MINAR2: variants seen among roughly 807,000 people sequenced by gnomAD.
MINAR2 encodes membrane integral NOTCH2 associated receptor 2, also known as major intrinsically disordered NOTCH2-binding receptor 1-like.
A neutral mutation model predicts 16.1 loss-of-function variants in MINAR2; 21 were observed. The observed-to-expected ratio is 1.31, with a 90% CI of 0.93 to 1.88. MINAR2 has a LOEUF of 1.88. Ranked by LOEUF, MINAR2 falls within the 40% of genes most tolerant of loss-of-function variation. The probability of loss-of-function intolerance (pLI) is 0.00; values close to 1 mark genes in which losing one functional copy is unlikely to be tolerated. For missense variants in MINAR2, 259 were observed against 229.8 expected (o/e 1.13, Z -0.82); for synonymous variants, 86 against 83.0 (o/e 1.04, Z -0.20).
chr5:129,762,000 G>C (rs1300489873), intron 2 of MINAR2, among the ~76,000 whole-genome samples: 1 of 151,950 alleles, frequency 6.6e-6, no homozygotes, highest in East Asian at 1.9e-4. Flanking sequence ...AACAACACAC[G>C]CTGGGGCCTG....
chr5:129,756,370 G>T (rs1252097444), intron 1 of MINAR2, among the ~76,000 whole-genome samples: 1 of 151,172 alleles, frequency 6.6e-6, no homozygotes, highest in Non-Finnish European at 1.5e-5. Context: ...GGTGGTATTT[G>T]GTTACATAAG....
intron 1 of MINAR2, among the ~76,000 whole-genome samples, chr5:129,753,910 T>C (rs1386187404): frequency 6.6e-6 from 1 of 152,198 alleles, no homozygotes; most frequent in African/African-American, 2.4e-5. Context: ...TTATATTGGA[T>C]GACAATGTGG....
At chr5:129,761,945 A>G (rs6866940) in intron 2 of MINAR2, among the ~76,000 whole-genome samples, 128,249 of 151,878 alleles carry the variant, frequency 0.84, 54,665 homozygotes, top group Middle Eastern at 0.94. Flanking sequence ...GTTCTAACTC[A>G]TAAGTGGGAG....
chr5:129,750,364 G>A (rs1757971604), intron 1 of MINAR2, among the ~76,000 whole-genome samples: 1 of 152,194 alleles, frequency 6.6e-6, no homozygotes, highest in South Asian at 2.1e-4. Flanking sequence ...CACACATAAG[G>A]TGGTGGCTAC....
At chr5:129,750,168 TGCAA>T (rs1561683239) in intron 1 of MINAR2, among the ~76,000 whole-genome samples, 2 of 152,186 alleles carry the variant, frequency 1.3e-5, no homozygotes, top group Non-Finnish European at 2.9e-5. Flanking sequence ...CACTTCACTG[TGCAA>T]TGCATCATTA....
At chr5:129,748,750 A>G (rs1757949405) in intron 1 of MINAR2, among the ~76,000 whole-genome samples, 1 of 152,176 alleles carries the variant, frequency 6.6e-6, no homozygotes, top group African/African-American at 2.4e-5. Context: ...CATTGTGGGC[A>G]TAAACAAGCC....
chr5:129,762,785 T>TAGGA lies in MINAR2; in HGVS notation c.394-2095_394-2092dup, dbSNP rs530856647. 3.7e-3 allele frequency: 668 copies of TAGGA among 180,448 alleles called. 4 individuals carry two copies. Among genetic ancestry groups the TAGGA allele is most frequent in the African/African-American group, 0.016 (651 of 41,598 alleles). The allele number at this position is 180,448 out of a possible 1,614,324, so 11.2% of individuals were successfully genotyped here. ...TAAAGAAGACAAAGTGCCTGTAGGATAGGAAGGGGGCACAAATCACATCTG... is the reference window on the plus strand; with the variant it reads ...TAAAGAAGACAAAGTGCCTGTAGGATAGGAAGGAAGGGGGCACAAATCACATCTG... On this transcript the variant is annotated intron_variant, in intron 2 of 2. Coordinates refer to ENST00000564719, the MANE Select transcript of MINAR2 (RefSeq NM_001257308.2).
chr5:129,750,578 T>C (rs1757974102), intron 1 of MINAR2, among the ~76,000 whole-genome samples: 1 of 152,170 alleles, frequency 6.6e-6, no homozygotes, highest in South Asian at 2.1e-4. Context: ...CCATATTTCC[T>C]TAAAAGTGAG....
In MINAR2 at chr5:129,748,615, C is replaced by T. The variant is rs116727837; in HGVS notation, c.165+260C>T. On this transcript the variant is annotated intron_variant, in intron 1 of 2. Transcript: ENST00000564719. ...TATCCTCATTTTAGATTTCAGGTGG[C>T]CCTCATTTACTCCTTCCCTTCAAAA... Among the ~76,000 whole-genome samples, 829 of 152,194 alleles carry T rather than the reference C, an allele frequency of 5.4e-3. 9 individuals are homozygous for T. The highest frequency in any genetic ancestry group is 0.019 in the African/African-American group (791 of 41,524).
rs1397102179 is a variant in MINAR2 at position 129,765,040 on chromosome 5, A to G, written c.550A>G (p.Thr184Ala). ...VVISILVTIVTIITFFT is the reference protein window; with the variant it reads ...VVISILVTIVAIITFFT ...TATCTCCATCTTGGTTACCATAGTG[A>G]CTATCATTACTTTTTTCACCTGAGG... is the stretch of plus-strand genomic sequence containing the variant. The change falls in exon 3 of 3, where the codon ACT (threonine) becomes GCT (alanine). Residue 184 changes from threonine (T) to alanine (A), a missense_variant. Coordinates refer to ENST00000564719, the MANE Select transcript of MINAR2 (RefSeq NM_001257308.2). The G allele has an allele frequency of 1.5e-6, 2 of 1,302,954 alleles. No homozygotes were observed. The highest frequency in any genetic ancestry group is 2.0e-6 in the Non-Finnish European group (2 of 1,022,880). The allele number at this position is 1,302,954 out of a possible 1,614,324, so 80.7% of individuals were successfully genotyped here. A position where few individuals can be genotyped will look rare whatever the true frequency, so the allele number is the denominator to read the frequency against.
Position 129,765,995 on chromosome 5 carries a change from C to T in MINAR2, c.*932C>T, listed in dbSNP as rs1758207174. The T allele has an allele frequency of 6.6e-6, 1 of 152,116 alleles. No homozygotes were observed. The highest frequency in any genetic ancestry group is 2.4e-5 in the African/African-American group (1 of 41,408). The allele number at this position is 152,116 out of a possible 1,614,324, so 9.4% of individuals were successfully genotyped here. A position where few individuals can be genotyped will look rare whatever the true frequency, so the allele number is the denominator to read the frequency against. On this transcript the variant is annotated 3_prime_UTR_variant, in exon 3 of 3. Transcript: ENST00000564719. The stretch of plus-strand genomic sequence containing the variant: ...AAACAGGTATGAACAGTATCTGGCT[C>T]GAAATAAGCAGTTGCTTAATTAAAG...
Position 129,748,133 on chromosome 5 carries a change from G to A in MINAR2, c.-58G>A, listed in dbSNP as rs1757938649. 2.1e-6 allele frequency: 3 copies of A among 1,460,814 alleles called. No homozygotes were observed. Among genetic ancestry groups the A allele is most frequent in the Non-Finnish European group, 1.8e-6 (2 of 1,088,462 alleles). 90.5% of individuals were successfully genotyped at this position (1,460,814 alleles called of 1,614,324 possible). ...CATCCTCAGGCACATTAATAATGGA[G>A]GAGTCTGACAAGAGCAGCTTTGCCT... On this transcript the variant is annotated 5_prime_UTR_variant, in exon 1 of 3. Coordinates refer to ENST00000564719, the MANE Select transcript of MINAR2 (RefSeq NM_001257308.2).
intron 1 of MINAR2, among the ~76,000 whole-genome samples, chr5:129,758,738 C>A (rs56107157): frequency 6.6e-6 from 1 of 151,746 alleles, no homozygotes; most frequent in East Asian, 1.9e-4. Flanking sequence ...AGATGCCTAG[C>A]CTTGAAGAAA....
chr5:129,750,401 A>C (rs1377177114), intron 1 of MINAR2, among the ~76,000 whole-genome samples: 2 of 152,112 alleles, frequency 1.3e-5, no homozygotes, highest in Non-Finnish European at 2.9e-5. Context: ...TAAAGCTCAC[A>C]CTCCATTGGG....
intron 1 of MINAR2, among the ~76,000 whole-genome samples, chr5:129,749,935 C>T (rs934324169): frequency 2.6e-5 from 4 of 152,222 alleles, no homozygotes; most frequent in Non-Finnish European, 5.9e-5. Context: ...TAAACTTCTG[C>T]TTCATAGGTC....
chr5:129,748,212 A>T lies in MINAR2; in HGVS notation c.22A>T (p.Asn8Tyr). The T allele has an allele frequency of 2.0e-6, 3 of 1,535,100 alleles. No individual in the cohort carries two copies. Among genetic ancestry groups the T allele is most frequent in the Non-Finnish European group, 2.6e-6 (3 of 1,146,482 alleles). Residue 8 changes from asparagine to tyrosine, a missense_variant, in exon 1 of 3, where the codon AAT becomes TAT. Physicochemically the swap from Asn to Tyr is moderately radical, Grantham distance 143. Coordinates refer to ENST00000564719, the MANE Select transcript of MINAR2 (RefSeq NM_001257308.2). MDLSVLP[N>Y]NNHPDKFLQL... ...AGACATGGATCTCTCTGTTTTGCCA[A>T]ATAACAACCATCCTGACAAATTCCT... is the stretch of plus-strand genomic sequence containing the variant.
Position 129,753,526 on chromosome 5 carries a change from G to A in MINAR2, c.165+5171G>A, listed in dbSNP as rs532777222. Among the ~76,000 whole-genome samples the A allele has an allele frequency of 3.3e-5, 5 of 151,228 alleles. No individual in the cohort carries two copies. The East Asian group carries it at 9.8e-4, about 30-fold the overall frequency. The stretch of plus-strand genomic sequence containing the variant: ...CCCAGCACTTTGGGAGGCCGAGGCG[G>A]GTGGATCAGCAGGTCAGGAGTTCGA... On this transcript the variant is annotated intron_variant, in intron 1 of 2. Transcript: ENST00000564719.
In MINAR2 at chr5:129,766,204, C is replaced by T. The variant is rs1054386569; in HGVS notation, c.*1141C>T. On this transcript the variant is annotated 3_prime_UTR_variant, in exon 3 of 3. Transcript: ENST00000564719. ...ACTCTTTTCTCATCTTTAAACAACC[C>T]AGCCAAAGGCTATCTTATGCAAGAA... is the stretch of plus-strand genomic sequence containing the variant. The T allele has an allele frequency of 6.6e-6, 1 of 152,228 alleles. No homozygotes were observed. The highest frequency in any genetic ancestry group is 6.5e-5 in the Admixed American group (1 of 15,270). 9.4% of individuals were successfully genotyped at this position (152,228 alleles called of 1,614,324 possible).
Position 129,748,237 on chromosome 5 carries a change from T to C in MINAR2, c.47T>C (p.Leu16Pro). The C allele has an allele frequency of 3.3e-6, 5 of 1,535,246 alleles. No homozygotes were observed. Among genetic ancestry groups the C allele is most frequent in the Non-Finnish European group, 4.4e-6 (5 of 1,146,572 alleles). ...AATAACAACCATCCTGACAAATTCC[T>C]GCAGCTTGACGTAAAGTCTTTAACG... The part of the protein sequence containing the change: ...LPNNNHPDKF[L>P]QLDVKSLTRS... Residue 16 changes from leucine to proline, a missense_variant, in exon 1 of 3, where the codon CTG becomes CCG. Transcript: ENST00000564719.
Sources: allele counts gnomAD v4.1 joint callset (sites outside exome capture counted in the v4.1 genomes callset), GRCh38; gene constraint gnomAD v4.1.1; transcripts MANE v1.5; gene names NCBI Gene and HGNC (gene_info 2026-07-23, HGNC 2026-07-21).